RELCH: variants seen among roughly 807,000 people sequenced by gnomAD.
The protein encoded by RELCH is RAB11-binding protein RELCH.
RELCH carries 41 observed loss-of-function variants against 150.3 expected under a neutral mutation model. The observed-to-expected ratio is 0.27, with a 90% confidence interval of 0.21 to 0.35. The LOEUF is 0.35. Among genes scored for constraint, RELCH ranks in the 10% least tolerant of loss-of-function variants. RELCH has a pLI of 1.00. For synonymous variants in RELCH, 478 were observed against 531.8 expected, an observed-to-expected ratio of 0.90 and a Z score of 1.39; for missense variants, 1,092 against 1,467.8, an observed-to-expected ratio of 0.74 and a Z score of 4.18.
intron 26 of RELCH, among the ~76,000 whole-genome samples, chr18:62,289,216 TAAC>T (rs1477551826): frequency 6.6e-6 from 1 of 152,180 alleles, no homozygotes; most frequent in African/African-American, 2.4e-5. Flanking sequence ...AGAACCATCT[TAAC>T]AACAGTCCCT....
chr18:62,206,313 A>G (rs1193504907), intron 1 of RELCH, among the ~76,000 whole-genome samples: 1 of 152,354 alleles, frequency 6.6e-6, no homozygotes, highest in East Asian at 1.9e-4. Flanking sequence ...ATTAAACTGC[A>G]GGGAAATTAA....
chr18:62,276,477 C>G (rs923174530), intron 22 of RELCH, among the ~76,000 whole-genome samples: 1 of 151,994 alleles, frequency 6.6e-6, no homozygotes, highest in Non-Finnish European at 1.5e-5. Flanking sequence ...GCTATTACTT[C>G]ACAAAATATA....
At chr18:62,198,108 G>A (rs2039170514) in intron 1 of RELCH, among the ~76,000 whole-genome samples, 2 of 152,128 alleles carry the variant, frequency 1.3e-5, no homozygotes, top group Non-Finnish European at 2.9e-5. Flanking sequence ...TCTGCCTAAA[G>A]CATCACTTCA....
intron 11 of RELCH, among the ~76,000 whole-genome samples, chr18:62,250,139 C>T (rs570353478): frequency 1.4e-4 from 22 of 152,178 alleles, no homozygotes; most frequent in African/African-American, 4.8e-4. Flanking sequence ...TGTTAATAAC[C>T]TGTGGGCCTT....
chr18:62,305,843 G>C lies in RELCH; in HGVS notation c.*309G>C, dbSNP rs2045860813. On this transcript the variant is annotated 3_prime_UTR_variant, in exon 29 of 29. Transcript: ENST00000644646. The surrounding 1 kb of genome is among the most constrained non-coding windows in gnomAD (Gnocchi z 4.0). Reference sequence around the variant, plus strand: ...AAGAAGTTTTTTTTAATTTTTGGATGGGATATTCGCAAATATCTGTATTAT... The same window carrying C: ...AAGAAGTTTTTTTTAATTTTTGGATCGGATATTCGCAAATATCTGTATTAT... 1 of 156,456 alleles carries C rather than the reference G, an allele frequency of 6.4e-6. No individual in the cohort carries two copies. The highest frequency in any genetic ancestry group is 6.5e-5 in the Admixed American group (1 of 15,360). 9.7% of individuals were successfully genotyped at this position (156,456 alleles called of 1,614,324 possible). A position where few individuals can be genotyped will look rare whatever the true frequency, so the allele number is the denominator to read the frequency against.
chr18:62,241,313 A>G lies in RELCH; in HGVS notation c.1621-3451A>G, dbSNP rs2042138245. ...GCCCCAGATAGTCACTGCCCACAAC[A>G]GATCTCTTGAGCCCAGGAGTTTGGG... On this transcript the variant is annotated intron_variant, in intron 10 of 28. Transcript: ENST00000644646. Among the ~76,000 whole-genome samples, 5 of 152,150 alleles carry G rather than the reference A, an allele frequency of 3.3e-5. No homozygotes were observed. In the South Asian group the frequency reaches 1.0e-3, roughly 32 times the overall value.
At chr18:62,207,473 G>C (rs2039877096) in intron 1 of RELCH, among the ~76,000 whole-genome samples, 2 of 152,098 alleles carry the variant, frequency 1.3e-5, no homozygotes, top group South Asian at 4.1e-4. Context: ...TTATGTACAA[G>C]ATTTTGTGTG....
At chr18:62,250,586 G>A (rs144662706) in intron 11 of RELCH, among the ~76,000 whole-genome samples, 1 of 152,310 alleles carries the variant, frequency 6.6e-6, no homozygotes, top group East Asian at 1.9e-4. Flanking sequence ...AGTAGAAACA[G>A]AGGGTAATGA....
chr18:62,227,516 CA>C (rs745853228), intron 6 of RELCH, 24 bp downstream of exon 6: 9 of 1,593,226 alleles, frequency 5.6e-6, no homozygotes, highest in Non-Finnish European at 6.9e-6. Flanking sequence ...ACTAATTAGT[CA>C]AGTCCACAGA....
chr18:62,240,906 G>A (rs1006790694), intron 10 of RELCH, among the ~76,000 whole-genome samples: 1 of 152,068 alleles, frequency 6.6e-6, no homozygotes, highest in African/African-American at 2.4e-5. Flanking sequence ...TAAGGAGGGG[G>A]AGTTGGGCTG....
chr18:62,288,169 GAACTCCC>G (rs1213187613), intron 26 of RELCH, among the ~76,000 whole-genome samples: 1 of 152,116 alleles, frequency 6.6e-6, no homozygotes, highest in African/African-American at 2.4e-5. Context: ...TGGGCAAAGT[GAACTCCC>G]AACTTTTAGG....
intron 5 of RELCH, among the ~76,000 whole-genome samples, chr18:62,225,349 C>T (rs1370309619): frequency 6.6e-6 from 1 of 151,844 alleles, no homozygotes; most frequent in Non-Finnish European, 1.5e-5. Flanking sequence ...GATTTGCTCT[C>T]ATCAAAATTA....
intron 19 of RELCH, 129 bp from the exon 20 acceptor site, chr18:62,268,740 T>C (rs541977925): frequency 2.7e-4 from 124 of 454,646 alleles, no homozygotes; most frequent in Non-Finnish European, 4.7e-4. Flanking sequence ...ACATATGTTT[T>C]CCAAAGTAAT....
At chr18:62,299,838 A>C (rs1353440867) in intron 28 of RELCH, among the ~76,000 whole-genome samples, 1 of 152,222 alleles carries the variant, frequency 6.6e-6, no homozygotes, top group Non-Finnish European at 1.5e-5. Context: ...ATTCTCTGAT[A>C]TGTATCTTTT....
intron 27 of RELCH, among the ~76,000 whole-genome samples, chr18:62,296,264 T>C (rs1211995121): frequency 6.6e-6 from 1 of 152,222 alleles, no homozygotes; most frequent in East Asian, 1.9e-4. Flanking sequence ...GACCTGCTTG[T>C]TTCATCAGCT....
chr18:62,227,269 G>GT lies in RELCH; in HGVS notation c.859-10dup, dbSNP rs375719941. 36,021 of 1,234,936 alleles carry GT rather than the reference G, an allele frequency of 0.029. 75 individuals carry two copies. The highest frequency in any genetic ancestry group is 0.033 in the Non-Finnish European group (30,267 of 904,042). 76.5% of individuals were successfully genotyped at this position (1,234,936 alleles called of 1,614,324 possible). On this transcript the variant is annotated intron_variant, in intron 5 of 28. Coordinates refer to ENST00000644646, the MANE Select transcript of RELCH (RefSeq NM_001346231.2). ...TAAAATTTCCTCGAAGATTTTTTAT[G>GT]TTTTTTTTTTATCTTTTAGGATTTT...
chr18:62,247,681 G>C (rs942350939), intron 11 of RELCH, among the ~76,000 whole-genome samples: 1 of 151,910 alleles, frequency 6.6e-6, no homozygotes, highest in Non-Finnish European at 1.5e-5. Flanking sequence ...CAAGTAGCTG[G>C]GACCACAGGC....
intron 5 of RELCH, 50 bp downstream of exon 5, chr18:62,221,547 C>A: frequency 1.2e-5 from 9 of 763,026 alleles, no homozygotes; most frequent in South Asian, 2.0e-5. Flanking sequence ...ACTTATAATT[C>A]ACTTTTTCTT....
intron 1 of RELCH, among the ~76,000 whole-genome samples, chr18:62,188,540 T>C (rs1213136247): frequency 6.6e-6 from 1 of 152,202 alleles, no homozygotes; most frequent in Admixed American, 6.5e-5. Flanking sequence ...ACCGCCAAAA[T>C]TGGGTTTTCT....
Sources: gnomAD v4.1 joint callset for allele counts (sites outside exome capture counted in the v4.1 genomes callset) on GRCh38, gnomAD v4.1.1 for gene constraint, Gnocchi (gnomAD v3.1) non-coding constraint, MANE v1.5 for transcripts, NCBI Gene and HGNC (gene_info 2026-07-23, HGNC 2026-07-21) for gene names.